ZFTRAF1: variants seen among roughly 807,000 people sequenced by gnomAD.
The protein encoded by ZFTRAF1 is zinc finger TRAF-type and ring finger containing 1, also known as zinc finger TRAF-type-containing protein 1.
At chr8:144,458,214 C>T in the ZFTRAF1 span, among the ~76,000 whole-genome samples, 1 of 152,374 alleles carries the variant, frequency 6.6e-6, no homozygotes, top group East Asian at 1.9e-4. Context: ...AGTCCCTCAC[C>T]TGCTACTGCT....
At chr8:144,462,031 G>T in the ZFTRAF1 span, among the ~76,000 whole-genome samples, 1 of 152,190 alleles carries the variant, frequency 6.6e-6, no homozygotes, top group Admixed American at 6.5e-5. Flanking sequence ...TTCAGATCGG[G>T]AAGTACCGTG....
At chr8:144,454,633 G>A in the ZFTRAF1 span, 1 of 152,334 alleles carries the variant, frequency 6.6e-6, no homozygotes, top group South Asian at 2.1e-4. Context: ...ACCCTCTTGA[G>A]AATGGGATGT....
chr8:144,451,374 G>GA, the ZFTRAF1 span: 1 of 154,046 alleles, frequency 6.5e-6, no homozygotes, highest in African/African-American at 2.4e-5. Context: ...CGCGAATGGG[G>GA]CTTCTCACCT....
chr8:144,461,616 G>A, the ZFTRAF1 span, among the ~76,000 whole-genome samples: 1 of 152,194 alleles, frequency 6.6e-6, no homozygotes, highest in South Asian at 2.1e-4. Flanking sequence ...GGCATGGCAA[G>A]TCCAGTTGGA....
At chr8:144,453,536 G>C in the ZFTRAF1 span, 1 of 1,342,860 alleles carries the variant, frequency 7.4e-7, no homozygotes, top group Non-Finnish European at 1.0e-6. Flanking sequence ...ATGCCCATCA[G>C]CTCCAGCCAG....
At chr8:144,460,788 T>A in the ZFTRAF1 span, among the ~76,000 whole-genome samples, 5 of 151,810 alleles carry the variant, frequency 3.3e-5, no homozygotes, top group Non-Finnish European at 7.4e-5. Context: ...GAGGCTGAGG[T>A]AGGGAGAATT....
chr8:144,453,703 C>T, the ZFTRAF1 span: 8 of 475,292 alleles, frequency 1.7e-5, no homozygotes, highest in Admixed American at 2.4e-4. Flanking sequence ...GCCTCATCAG[C>T]TCACAGAGGT....
the ZFTRAF1 span, among the ~76,000 whole-genome samples, chr8:144,461,985 G>A: frequency 6.6e-6 from 1 of 152,142 alleles, no homozygotes; most frequent in Non-Finnish European, 1.5e-5. Context: ...GGGAAGTCTA[G>A]AAAAAAGAAG....
At chr8:144,460,144 C>T in the ZFTRAF1 span, among the ~76,000 whole-genome samples, 2 of 152,188 alleles carry the variant, frequency 1.3e-5, no homozygotes, top group South Asian at 2.1e-4. Context: ...AGGTGTTCTT[C>T]GCAGCATTCA....
the ZFTRAF1 span, chr8:144,453,765 G>A: frequency 3.0e-5 from 10 of 332,200 alleles, no homozygotes; most frequent in African/African-American, 1.7e-4. Context: ...CGAGGGTCAC[G>A]CTTTTCCCTT....
At chr8:144,457,094 TCA>T in the ZFTRAF1 span, 1 of 149,672 alleles carries the variant, frequency 6.7e-6, no homozygotes, top group East Asian at 2.0e-4. Context: ...GGTATTGACA[TCA>T]CAGAGGTGAT....
chr8:144,451,694 C>T, the ZFTRAF1 span: 1 of 157,738 alleles, frequency 6.3e-6, no homozygotes, highest in South Asian at 1.9e-4. Context: ...TTCTCGCTGT[C>T]CTCTGGGCCA....
chr8:144,455,405 G>C, the ZFTRAF1 span: 1 of 152,232 alleles, frequency 6.6e-6, no homozygotes, highest in Non-Finnish European at 1.5e-5. Context: ...GACAAGCTGA[G>C]ACCTGCCCCC....
the ZFTRAF1 span, chr8:144,449,887 C>A: frequency 5.6e-6 from 1 of 178,742 alleles, no homozygotes; most frequent in Non-Finnish European, 1.2e-5. Context: ...AGCCCCCACG[C>A]TGTCCATTCA....
the ZFTRAF1 span, among the ~76,000 whole-genome samples, chr8:144,461,656 A>G: frequency 1.3e-5 from 2 of 152,176 alleles, no homozygotes; most frequent in Non-Finnish European, 2.9e-5. Context: ...TGGAGAAGGT[A>G]CCCAAACTGT....
chr8:144,462,158 C>T, the ZFTRAF1 span: 3 of 370,590 alleles, frequency 8.1e-6, no homozygotes, highest in Non-Finnish European at 1.4e-5. Context: ...GCTGTAAGGG[C>T]CAGAGAGGGT....
At chr8:144,462,428 G>A in the ZFTRAF1 span, 1 of 311,176 alleles carries the variant, frequency 3.2e-6, no homozygotes, top group Non-Finnish European at 5.7e-6. Context: ...CTTCTTGGGC[G>A]GCGCGTCGGG....
chr8:144,458,546 C>T, the ZFTRAF1 span, among the ~76,000 whole-genome samples: 1 of 152,204 alleles, frequency 6.6e-6, no homozygotes, highest in Non-Finnish European at 1.5e-5. Flanking sequence ...GGACTGCACA[C>T]TGTTGGCCTG....
chr8:144,454,889 G>A, the ZFTRAF1 span: 1 of 152,312 alleles, frequency 6.6e-6, no homozygotes, highest in Non-Finnish European at 1.5e-5. Flanking sequence ...CTGTGGACTA[G>A]GCCTAAGGCC....
Sources: allele counts gnomAD v4.1 joint callset (sites outside exome capture counted in the v4.1 genomes callset), GRCh38; gene constraint gnomAD v4.1.1; transcripts MANE v1.5; gene names NCBI Gene and HGNC (gene_info 2026-07-23, HGNC 2026-07-21).